MANBA: variants seen among roughly 807,000 people sequenced by gnomAD.
The protein encoded by MANBA is beta-mannosidase.
MANBA carries 83 observed loss-of-function variants against 111.1 expected under a neutral mutation model. The observed-to-expected ratio is 0.75, with a 90% CI of 0.63 to 0.90. The LOEUF (loss-of-function observed/expected upper bound fraction) is 0.90. Ranked by LOEUF, MANBA falls within the 40% of genes least tolerant of loss-of-function variation. The pLI, the probability that MANBA is intolerant of heterozygous loss-of-function variation, is 0.00. For missense variants in MANBA, 1,036 were observed against 1,069.0 expected, an observed-to-expected ratio of 0.97 and a Z score of 0.43; for synonymous variants, 370 against 378.7, an observed-to-expected ratio of 0.98 and a Z score of 0.27.
chr4:102,743,290 G>C (rs1438190868), intron 1 of MANBA, among the ~76,000 whole-genome samples: 1 of 152,192 alleles, frequency 6.6e-6, no homozygotes, highest in African/African-American at 2.4e-5. Flanking sequence ...TACAGCCCAT[G>C]AATCAGTATA....
chr4:102,737,770 C>T (rs537657662), intron 1 of MANBA, among the ~76,000 whole-genome samples: 44 of 152,304 alleles, frequency 2.9e-4, no homozygotes, highest in Non-Finnish European at 1.5e-4. Flanking sequence ...GCATGAGCGA[C>T]TGCGCCCGGC....
chr4:102,646,837 G>A (rs560499077), intron 13 of MANBA, among the ~76,000 whole-genome samples: 20 of 152,228 alleles, frequency 1.3e-4, no homozygotes, highest in Admixed American at 1.2e-3. Flanking sequence ...AAAGAGGCAG[G>A]AGCCCATAGG....
At chr4:102,749,162 T>C (rs1161384578) in intron 1 of MANBA, among the ~76,000 whole-genome samples, 1 of 152,150 alleles carries the variant, frequency 6.6e-6, no homozygotes, top group Non-Finnish European at 1.5e-5. Context: ...AGAAAATACT[T>C]ATGCTTTTAT....
chr4:102,686,684 C>T (rs1433636443), intron 7 of MANBA, among the ~76,000 whole-genome samples: 1 of 152,150 alleles, frequency 6.6e-6, no homozygotes, highest in African/African-American at 2.4e-5. Flanking sequence ...TTAAAACACT[C>T]TTTCCCTCTG....
intron 12 of MANBA, among the ~76,000 whole-genome samples, chr4:102,653,833 T>A (rs768259761): frequency 5.9e-5 from 9 of 152,150 alleles, no homozygotes; most frequent in Admixed American, 3.9e-4. Context: ...CTAACACTAA[T>A]CTTTCTAAAG....
Position 102,714,491 on chromosome 4 carries a change from AT to A in MANBA, c.619del (p.Ile207LeufsTer9), listed in dbSNP as rs767218373. On this transcript the variant is annotated frameshift_variant, in exon 5 of 17. Transcript: ENST00000647097. LOFTEE classifies it high-confidence loss of function. ...CAGGTGACAAATATTATAGGCTTCAATTCTAACATCTTTCCAGATTCCCTGG... is the reference window on the plus strand; with the variant it reads ...CAGGTGACAAATATTATAGGCTTCAATCTAACATCTTTCCAGATTCCCTGG... ...PTQGIWKDVR[I>X]EAYNICHLNY... is the part of the protein sequence containing the mutation. 6.2e-7 allele frequency: 1 copy of A among 1,604,226 alleles called. No individual in the cohort carries two copies. The highest frequency in any genetic ancestry group is 8.5e-7 in the Non-Finnish European group (1 of 1,171,028).
intron 7 of MANBA, among the ~76,000 whole-genome samples, chr4:102,688,553 C>T (rs530873167): frequency 3.3e-5 from 5 of 152,158 alleles, no homozygotes; most frequent in Non-Finnish European, 7.3e-5. Context: ...AGAGGTGACA[C>T]CAGCCAACTG....
intron 7 of MANBA, among the ~76,000 whole-genome samples, chr4:102,684,108 T>TAA (rs78609643): frequency 9.8e-5 from 14 of 142,984 alleles, no homozygotes; most frequent in African/African-American, 3.6e-4. Context: ...TATACTCAGT[T>TAA]AAAAAAAAAA....
rs372866446 is a variant in MANBA, at chr4:102,726,619, C to T, written c.242G>A (p.Ser81Asn). ...TTCAAAGGGGATTTTAAATTCTTTGCTATAGGTCCAGTTATCCAAAGAGAC... is the reference window on the plus strand; with the variant it reads ...TTCAAAGGGGATTTTAAATTCTTTGTTATAGGTCCAGTTATCCAAAGAGAC... ...RWVSLDNWTY[S>N]KEFKIPFEIS... Residue 81 changes from serine (S) to asparagine (N), a missense_variant, in exon 2 of 17, where the codon AGC becomes AAC. Transcript: ENST00000647097. 4.5e-6 allele frequency: 7 copies of T among 1,558,282 alleles called. No homozygotes were observed. The highest frequency in any genetic ancestry group is 2.7e-5 in the African/African-American group (2 of 73,740).
chr4:102,720,182 C>A (rs373680026), intron 4 of MANBA, among the ~76,000 whole-genome samples: 73 of 152,306 alleles, frequency 4.8e-4, no homozygotes, highest in African/African-American at 1.7e-3. Flanking sequence ...CGCCTGTAAT[C>A]CCAGCACTTT....
At chr4:102,750,472 G>A (rs1428771953) in intron 1 of MANBA, among the ~76,000 whole-genome samples, 3 of 151,666 alleles carry the variant, frequency 2.0e-5, no homozygotes, top group African/African-American at 7.3e-5. Context: ...TATAATAATG[G>A]GACTCTCTTC....
chr4:102,674,733 C>G (rs1361494917), intron 7 of MANBA, among the ~76,000 whole-genome samples: 1 of 152,164 alleles, frequency 6.6e-6, no homozygotes, highest in African/African-American at 2.4e-5. Context: ...AGGTTTTCCC[C>G]CAGTTAAGCA....
intron 9 of MANBA, among the ~76,000 whole-genome samples, chr4:102,670,301 G>A (rs1326187074): frequency 1.3e-5 from 2 of 152,126 alleles, no homozygotes; most frequent in Admixed American, 6.5e-5. Context: ...AATGGGGATA[G>A]AGAATAGTAA....
chr4:102,712,098 A>T (rs996501598), intron 5 of MANBA, among the ~76,000 whole-genome samples: 11 of 152,340 alleles, frequency 7.2e-5, no homozygotes, highest in Admixed American at 7.2e-4. Flanking sequence ...AATGATAAAT[A>T]CTAGAGGTGA....
In MANBA at chr4:102,726,624, G is replaced by T. The variant is rs765118589; in HGVS notation, c.237C>A (p.Thr79=). Residue 79 remains threonine (T), a synonymous_variant, in exon 2 of 17, where the codon ACC becomes ACA. Transcript: ENST00000647097. ...NYRWVSLDNW[T]YSKEFKIPFE... ...AGGGGATTTTAAATTCTTTGCTATA[G>T]GTCCAGTTATCCAAAGAGACCCATC... 4 of 1,565,694 alleles carry T rather than the reference G, an allele frequency of 2.6e-6. No individual in the cohort carries two copies. Among genetic ancestry groups the T allele is most frequent in the Non-Finnish European group, 3.5e-6 (4 of 1,136,900 alleles).
chr4:102,676,758 AT>A, intron 7 of MANBA, among the ~76,000 whole-genome samples: 1 of 152,176 alleles, frequency 6.6e-6, no homozygotes. Context: ...GTACTAAATA[AT>A]TTTTTGAATA....
At chr4:102,727,202 G>C (rs1428526916) in intron 1 of MANBA, 9 of 386,926 alleles carry the variant, frequency 2.3e-5, no homozygotes, top group South Asian at 5.2e-5. Context: ...CTCCTGTGTG[G>C]GCACTTTCCT....
At chr4:102,734,525 G>A (rs1194359731) in intron 1 of MANBA, 13 of 1,608,224 alleles carry the variant, frequency 8.1e-6, no homozygotes, top group African/African-American at 1.3e-5. Flanking sequence ...AACCATCTGA[G>A]CTCAGAAGTG....
chr4:102,714,635 T>C, intron 4 of MANBA, 74 bp from the exon 5 acceptor site: 1 of 1,424,898 alleles, frequency 7.0e-7, no homozygotes, highest in Non-Finnish European at 9.8e-7. Context: ...AACATTTTCT[T>C]TAAAAATGTT....
Sources: allele counts gnomAD v4.1 joint callset (sites outside exome capture counted in the v4.1 genomes callset), GRCh38; gene constraint gnomAD v4.1.1; transcripts MANE v1.5; gene names NCBI Gene and HGNC (gene_info 2026-07-23, HGNC 2026-07-21).